The following HMCN1 variants were observed in gnomAD, a reference collection of about 807,000 sequenced individuals.
HMCN1 encodes hemicentin 1, also known as hemicentin-1.
Under a neutral mutation model 625.9 loss-of-function variants are expected in HMCN1, and 321 were observed. The observed-to-expected ratio is 0.51, with a 90% confidence interval of 0.47 to 0.56. The LOEUF (loss-of-function observed/expected upper bound fraction) is 0.56. HMCN1 is among the 20% of genes least tolerant of loss of function. The pLI, the probability that HMCN1 is intolerant of heterozygous loss-of-function variation, is 0.00. For synonymous variants in HMCN1, 2,425 were observed against 2,417.6 expected, an observed-to-expected ratio of 1.00 and a Z score of -0.09; for missense variants, 6,588 against 6,887.3, an observed-to-expected ratio of 0.96 and a Z score of 1.54.
chr1:186,183,297 G>A (rs183901161), intron 105 of HMCN1, among the ~76,000 whole-genome samples: 1 of 152,256 alleles, frequency 6.6e-6, no homozygotes, highest in African/African-American at 2.4e-5. Flanking sequence ...GTCCCAGGAG[G>A]CAAAACCAAG....
intron 4 of HMCN1, among the ~76,000 whole-genome samples, chr1:185,897,268 G>T (rs1271573356): frequency 6.6e-6 from 1 of 151,830 alleles, no homozygotes; most frequent in East Asian, 1.9e-4. Context: ...GCCTGTTCTA[G>T]CTGCCACATT....
At chr1:185,820,278 C>G (rs900859559) in intron 1 of HMCN1, among the ~76,000 whole-genome samples, 3 of 152,044 alleles carry the variant, frequency 2.0e-5, no homozygotes, top group African/African-American at 7.2e-5. Context: ...TCTTCTGGAC[C>G]ACTTCACTGA....
At chr1:185,907,618 C>CT (rs1558056445) in intron 4 of HMCN1, among the ~76,000 whole-genome samples, 1 of 151,920 alleles carries the variant, frequency 6.6e-6, no homozygotes, top group Non-Finnish European at 1.5e-5. Context: ...GAATTTGCCT[C>CT]TTTTTTTATT....
At chr1:185,962,482 T>A (rs773926617) in intron 11 of HMCN1, 36 bp from the exon 12 acceptor site, 23 of 1,581,380 alleles carry the variant, frequency 1.5e-5, no homozygotes, top group Non-Finnish European at 2.0e-5. Context: ...CAAGATAAAT[T>A]GGCATTTTTC....
Position 186,094,351 on chromosome 1 carries a change from G to A in HMCN1, c.10272G>A (p.Lys3424=). Residue 3424 remains lysine, a synonymous_variant, in exon 67 of 107, where the codon AAG becomes AAA. Coordinates refer to ENST00000271588, the MANE Select transcript of HMCN1 (RefSeq NM_031935.3). ...VASNRAGVDN[K]HYNLQVFAPP... is the part of the protein sequence containing the mutation. Reference sequence around the variant, plus strand: ...CCAACAGAGCTGGGGTGGATAATAAGCATTACAATCTTCAAGTGTTTGGTA... The same window carrying A: ...CCAACAGAGCTGGGGTGGATAATAAACATTACAATCTTCAAGTGTTTGGTA... The A allele has an allele frequency of 6.2e-7, 1 of 1,612,854 alleles. No homozygotes were observed. The highest frequency in any genetic ancestry group is 8.5e-7 in the Non-Finnish European group (1 of 1,179,202).
intron 37 of HMCN1, among the ~76,000 whole-genome samples, chr1:186,038,255 A>G (rs1368511301): frequency 6.6e-6 from 1 of 152,214 alleles, no homozygotes; most frequent in Non-Finnish European, 1.5e-5. Flanking sequence ...GTAGAAATAT[A>G]TGAATACCTT....
At chr1:185,901,721 G>C (rs1038328594) in intron 4 of HMCN1, among the ~76,000 whole-genome samples, 1 of 151,688 alleles carries the variant, frequency 6.6e-6, no homozygotes. Flanking sequence ...GACATTAAAA[G>C]CCTTTTGGGT....
chr1:186,071,022 C>A (rs1658449540), intron 52 of HMCN1, among the ~76,000 whole-genome samples: 1 of 152,040 alleles, frequency 6.6e-6, no homozygotes, highest in Non-Finnish European at 1.5e-5. Flanking sequence ...AATTAATATA[C>A]AATTGTAATT....
chr1:186,162,064 C>T (rs1427254949), intron 97 of HMCN1, among the ~76,000 whole-genome samples: 1 of 152,190 alleles, frequency 6.6e-6, no homozygotes, highest in African/African-American at 2.4e-5. Context: ...ACCAATCAGA[C>T]GTAGATTTGG....
intron 36 of HMCN1, among the ~76,000 whole-genome samples, chr1:186,030,469 G>A (rs1252721218): frequency 6.6e-6 from 1 of 151,764 alleles, no homozygotes; most frequent in African/African-American, 2.4e-5. Context: ...AGTTTTTCTT[G>A]AAGTCTATTT....
At chr1:186,079,092 T>C (rs1322821108) in intron 55 of HMCN1, among the ~76,000 whole-genome samples, 2 of 150,156 alleles carry the variant, frequency 1.3e-5, no homozygotes, top group Admixed American at 6.6e-5. Context: ...GCTCTAGTTG[T>C]GTTTAGCAGC....
chr1:185,879,263 C>T (rs1454878308), intron 4 of HMCN1, among the ~76,000 whole-genome samples: 1 of 152,036 alleles, frequency 6.6e-6, no homozygotes, highest in Non-Finnish European at 1.5e-5. Context: ...CTCGACCTTC[C>T]AGGCCCAAGC....
intron 1 of HMCN1, among the ~76,000 whole-genome samples, chr1:185,743,982 G>GTTTTTTT (rs1214723950): frequency 1.0e-3 from 88 of 88,150 alleles, no homozygotes; most frequent in East Asian, 1.7e-3. Context: ...TTACTGTTTT[G>GTTTTTTT]TTTTTTTTTT....
intron 86 of HMCN1, among the ~76,000 whole-genome samples, chr1:186,133,259 CCA>C (rs1178526536): frequency 6.6e-6 from 1 of 152,174 alleles, no homozygotes; most frequent in African/African-American, 2.4e-5. Context: ...TTACAATTCA[CCA>C]CAGTTATTCC....
chr1:185,838,317 G>T (rs1035704580), intron 1 of HMCN1, among the ~76,000 whole-genome samples: 3 of 152,194 alleles, frequency 2.0e-5, no homozygotes, highest in African/African-American at 7.2e-5. Flanking sequence ...TAGCTGGGTT[G>T]CAAGTGCATG....
chr1:186,089,075 G>A (rs1163493294), intron 63 of HMCN1, among the ~76,000 whole-genome samples: 1 of 151,684 alleles, frequency 6.6e-6, no homozygotes, highest in African/African-American at 2.4e-5. Context: ...CATTTTGATG[G>A]TAAGCCTATA....
At chr1:185,748,569 A>G (rs945208124) in intron 1 of HMCN1, among the ~76,000 whole-genome samples, 4 of 152,196 alleles carry the variant, frequency 2.6e-5, no homozygotes, top group African/African-American at 9.6e-5. Flanking sequence ...CTACATAATA[A>G]TGAAAATTAA....
chr1:185,780,039 G>A, intron 1 of HMCN1, among the ~76,000 whole-genome samples: 1 of 152,178 alleles, frequency 6.6e-6, no homozygotes, highest in South Asian at 2.1e-4. Context: ...GAGGTTTGTA[G>A]TTCTCCTTGA....
intron 7 of HMCN1, among the ~76,000 whole-genome samples, chr1:185,923,129 C>G (rs1481208721): frequency 1.3e-5 from 2 of 152,018 alleles, no homozygotes; most frequent in Admixed American, 6.6e-5. Context: ...TTCATGTGAT[C>G]AAACATATAA....
Sources: gnomAD v4.1 joint callset for allele counts (sites outside exome capture counted in the v4.1 genomes callset) on GRCh38, gnomAD v4.1.1 for gene constraint, MANE v1.5 for transcripts, NCBI Gene and HGNC (gene_info 2026-07-23, HGNC 2026-07-21) for gene names.